SCAI: variants seen among roughly 807,000 people sequenced by gnomAD.
The protein encoded by SCAI is suppressor of cancer cell invasion, also known as protein SCAI.
SCAI carries 24 observed loss-of-function variants against 92.2 expected under a neutral mutation model. The ratio of observed to expected loss-of-function variants is 0.26; its 90% CI spans 0.19 to 0.37. The LOEUF (loss-of-function observed/expected upper bound fraction) is 0.37, where lower values mean the gene tolerates loss of function less well. SCAI is among the 10% of genes least tolerant of loss of function. The probability of loss-of-function intolerance (pLI) is 1.00; values close to 1 mark genes in which losing one functional copy is unlikely to be tolerated. For synonymous variants in SCAI, 261 were observed against 258.6 expected, an observed-to-expected ratio of 1.01 and a Z score of -0.09; for missense variants, 450 against 736.2, an observed-to-expected ratio of 0.61 and a Z score of 4.50.
chr9:125,143,317 G>A, intron 1 of SCAI, 68 bp downstream of exon 1: 4 of 832,860 alleles, frequency 4.8e-6, no homozygotes, highest in South Asian at 4.0e-5. Context: ...GCCCCGAGCC[G>A]CTGCCCCTGG....
At chr9:125,093,740 A>G (rs1834490878) in intron 2 of SCAI, among the ~76,000 whole-genome samples, 2 of 151,744 alleles carry the variant, frequency 1.3e-5, no homozygotes, top group South Asian at 2.1e-4. Flanking sequence ...TAATTTTTGT[A>G]TTTTTACTAG....
intron 2 of SCAI, among the ~76,000 whole-genome samples, chr9:125,130,049 C>T (rs1835365868): frequency 6.6e-6 from 1 of 151,788 alleles, no homozygotes; most frequent in South Asian, 2.1e-4. Flanking sequence ...TAGGCGCCCA[C>T]CACCACGCCC....
rs193076565 is a variant in SCAI, at chr9:125,010,535, G to A, written c.862-6965C>T. Among the ~76,000 whole-genome samples, 25 of 152,324 alleles carry A rather than the reference G, an allele frequency of 1.6e-4. No individual in the cohort carries two copies. The East Asian group carries it at 3.9e-3, about 24-fold the overall frequency. On this transcript the variant is annotated intron_variant, in intron 9 of 17. Transcript: ENST00000336505. ...GGTAAACAAAGCAGCCAGAAAGCTC[G>A]AACTGGGTCGAGCCTACCACGGCTC...
At chr9:125,116,972 G>A (rs1210577268) in intron 2 of SCAI, among the ~76,000 whole-genome samples, 1 of 152,004 alleles carries the variant, frequency 6.6e-6, no homozygotes, top group African/African-American at 2.4e-5. Flanking sequence ...TATCTGACAC[G>A]CTGCAAAGGA....
In SCAI at chr9:125,084,055, C is replaced by T. The variant is rs143722041; in HGVS notation, c.99-28048G>A. On this transcript the variant is annotated intron_variant, in intron 2 of 17. Coordinates refer to ENST00000336505, the MANE Select transcript of SCAI (RefSeq NM_001144877.3). ...CTGAGGCAGGTATGTACTTGGTGTA[C>T]GGAGGAACGAGAGGGTCTGTCTAAA... is the stretch of plus-strand genomic sequence containing the variant. Among the ~76,000 whole-genome samples, 129 of 148,426 alleles carry T rather than the reference C, an allele frequency of 8.7e-4. 1 individual carries two copies. Among genetic ancestry groups the T allele is most frequent in the African/African-American group, 2.8e-3 (110 of 39,948 alleles).
chr9:124,971,760 A>G lies in SCAI; in HGVS notation c.1484T>C (p.Met495Thr). 2 of 1,612,746 alleles carry G rather than the reference A, an allele frequency of 1.2e-6. No individual in the cohort carries two copies. The highest frequency in any genetic ancestry group is 1.7e-6 in the Non-Finnish European group (2 of 1,179,580). ...ACACTTTTCCCATAGGCCTCTGCGCATGCTTGACAATCCAGAGACAAATAG... is the reference window on the plus strand; with the variant it reads ...ACACTTTTCCCATAGGCCTCTGCGCGTGCTTGACAATCCAGAGACAAATAG... Reference protein sequence around the residue: ...AFLFVSGLSSMRRGLWEKCQE... With the variant: ...AFLFVSGLSSTRRGLWEKCQE... Residue 495 changes from methionine (M) to threonine (T), a missense_variant, in exon 16 of 18, where the codon ATG becomes ACG. By Grantham distance (81) the Met-to-Thr change is moderately conservative. Around this residue, in one of 3 missense-constraint regions of SCAI, gnomAD observed 360 missense variants for 601.8 expected, o/e 0.60. Transcript: ENST00000336505.
At position 124,998,195 on chromosome 9, in the gene SCAI, T is replaced by C. The variant is rs532662431; in HGVS notation, c.1244+1696A>G. 9.2e-5 allele frequency among the ~76,000 whole-genome samples: 14 copies of C among 152,290 alleles called. No homozygotes were observed. The East Asian group carries it at 2.7e-3, about 29-fold the overall frequency. ...ATTAAAAAATTCAGGCCCAGCGCGG[T>C]GGCTCATGCCTGTAATTCCAGCACT... On this transcript the variant is annotated intron_variant, in intron 13 of 17. Coordinates refer to ENST00000336505, the MANE Select transcript of SCAI (RefSeq NM_001144877.3).
rs1177865840 is a variant in SCAI at position 125,032,195 on chromosome 9, A to ATATATATATTTTTT, written c.231-2457_231-2456insAAAAAATATATATA. The stretch of plus-strand genomic sequence containing the variant: ...AATATATATATATATATATATATAT[A>ATATATATATTTTTT]TTTTTTTTTTTTTTTGAGATGGAGT... On this transcript the variant is annotated intron_variant, in intron 3 of 17. Coordinates refer to ENST00000336505, the MANE Select transcript of SCAI (RefSeq NM_001144877.3). 1.1e-4 allele frequency among the ~76,000 whole-genome samples: 11 copies of ATATATATATTTTTT among 99,446 alleles called. No homozygotes were observed. The East Asian group carries it at 1.6e-3, about 15-fold the overall frequency. The allele number at this position is 99,446 out of a possible 152,430, so 65.2% of individuals were successfully genotyped here. A position where few individuals can be genotyped will look rare whatever the true frequency, so the allele number is the denominator to read the frequency against.
At chr9:125,116,184 C>CA (rs1193788499) in intron 2 of SCAI, among the ~76,000 whole-genome samples, 1 of 150,820 alleles carries the variant, frequency 6.6e-6, no homozygotes, top group African/African-American at 2.4e-5. Context: ...GACTCCATCT[C>CA]AAAAAAAATT....
intron 3 of SCAI, among the ~76,000 whole-genome samples, chr9:125,041,172 T>C (rs889018376): frequency 6.6e-6 from 1 of 152,208 alleles, no homozygotes; most frequent in African/African-American, 2.4e-5. Context: ...CCATTTCCAT[T>C]TTCCTTATAA....
At chr9:125,097,044 C>T (rs901307435) in intron 2 of SCAI, among the ~76,000 whole-genome samples, 1 of 152,066 alleles carries the variant, frequency 6.6e-6, no homozygotes, top group Non-Finnish European at 1.5e-5. Context: ...TGATTCACTC[C>T]TATCATTCTA....
In SCAI at chr9:125,143,480, G is replaced by C. The variant is rs1034318641; in HGVS notation, c.-43C>G. 2 of 1,318,526 alleles carry C rather than the reference G, an allele frequency of 1.5e-6. No individual in the cohort carries two copies. Among genetic ancestry groups the C allele is most frequent in the Non-Finnish European group, 9.7e-7 (1 of 1,033,710 alleles). 81.7% of individuals were successfully genotyped at this position (1,318,526 alleles called of 1,614,324 possible). ...GCGGGAGCTGCTCCGGCGGCCGCAG[G>C]GCTCGCTCGGGAAGCTGAGGCGGCG... On this transcript the variant is annotated 5_prime_UTR_variant, in exon 1 of 18. Transcript: ENST00000336505.
intron 2 of SCAI, among the ~76,000 whole-genome samples, chr9:125,093,954 A>G (rs1588215212): frequency 1.3e-5 from 2 of 151,848 alleles, no homozygotes; most frequent in South Asian, 2.1e-4. Context: ...CTCTATCTGA[A>G]TGTCTCATTG....
chr9:124,975,242 C>T, intron 15 of SCAI: 1 of 438,458 alleles, frequency 2.3e-6, no homozygotes, highest in South Asian at 1.6e-5. Flanking sequence ...AACAGCAGAA[C>T]TTACCTTAAA....
intron 3 of SCAI, among the ~76,000 whole-genome samples, chr9:125,054,494 G>A (rs995798068): frequency 1.4e-4 from 21 of 151,382 alleles, no homozygotes; most frequent in African/African-American, 4.4e-4. Flanking sequence ...GTACATACTG[G>A]GTGCCAATTA....
chr9:124,970,935 C>T (rs1400228976), intron 17 of SCAI, among the ~76,000 whole-genome samples: 1 of 152,000 alleles, frequency 6.6e-6, no homozygotes, highest in Non-Finnish European at 1.5e-5. Flanking sequence ...CTGCCTCAGC[C>T]TCCAGAGTAG....
At chr9:124,986,420 T>C (rs1831991344) in intron 14 of SCAI, among the ~76,000 whole-genome samples, 1 of 152,104 alleles carries the variant, frequency 6.6e-6, no homozygotes, top group African/African-American at 2.4e-5. Context: ...TACACACAGC[T>C]GAAGAGAAAA....
chr9:124,972,853 T>C (rs1027956969), intron 15 of SCAI, among the ~76,000 whole-genome samples: 2 of 152,210 alleles, frequency 1.3e-5, no homozygotes, highest in African/African-American at 4.8e-5. Context: ...CTACTAGTCA[T>C]TGTGCTATCT....
intron 9 of SCAI, among the ~76,000 whole-genome samples, chr9:125,018,413 TA>T (rs1253999921): frequency 6.6e-6 from 1 of 152,120 alleles, no homozygotes; most frequent in African/African-American, 2.4e-5. Flanking sequence ...TTGGAAACTT[TA>T]GAATGTTGTA....
Sources: allele counts gnomAD v4.1 joint callset (sites outside exome capture counted in the v4.1 genomes callset), GRCh38; gene constraint gnomAD v4.1.1; regional missense constraint gnomAD v4.1.1; transcripts MANE v1.5; gene names NCBI Gene and HGNC (gene_info 2026-07-23, HGNC 2026-07-21).